TPD52: variants seen among roughly 807,000 people sequenced by gnomAD.
TPD52 encodes tumor protein D52.
TPD52 carries 17 observed loss-of-function variants against 31.3 expected under a neutral mutation model. That is an observed-to-expected ratio of 0.54 (90% confidence interval 0.37 to 0.82). The LOEUF is 0.82. Ranked by LOEUF, TPD52 falls within the 40% of genes least tolerant of loss-of-function variation. The pLI is 0.00. For missense variants in TPD52, 212 were observed against 240.1 expected, an observed-to-expected ratio of 0.88 and a Z score of 0.77; for synonymous variants, 83 against 89.6, an observed-to-expected ratio of 0.93 and a Z score of 0.42.
intron 1 of TPD52, among the ~76,000 whole-genome samples, chr8:80,153,993 C>T (rs1307629433): frequency 6.6e-6 from 1 of 152,210 alleles, no homozygotes; most frequent in Non-Finnish European, 1.5e-5. Flanking sequence ...CATCCCCATC[C>T]CTCCCTATGC....
At chr8:80,135,121 T>G (rs1302204381) in intron 1 of TPD52, among the ~76,000 whole-genome samples, 1 of 152,142 alleles carries the variant, frequency 6.6e-6, no homozygotes, top group Admixed American at 6.5e-5. Context: ...TGCATAGATA[T>G]CCCTTCAGGT....
chr8:80,091,464 C>CAA (rs58616020), intron 1 of TPD52, among the ~76,000 whole-genome samples: 1 of 121,876 alleles, frequency 8.2e-6, no homozygotes, highest in Non-Finnish European at 1.8e-5. Context: ...GACTCCATCT[C>CAA]AAAAAAAAAA....
intron 5 of TPD52, among the ~76,000 whole-genome samples, chr8:80,050,154 A>G (rs989035807): frequency 1.3e-4 from 20 of 152,228 alleles, no homozygotes; most frequent in Non-Finnish European, 2.4e-4. Context: ...TTTGCATGCC[A>G]TGGTAAAGCT....
downstream of TPD52, among the ~76,000 whole-genome samples, chr8:80,032,141 A>T (rs1349638598): frequency 7.2e-6 from 1 of 139,234 alleles, no homozygotes; most frequent in Middle Eastern, 3.5e-3. Flanking sequence ...TGACAGAGCG[A>T]GACTCCAGCT....
chr8:80,152,738 G>A (rs911369615), intron 1 of TPD52, among the ~76,000 whole-genome samples: 11 of 132,230 alleles, frequency 8.3e-5, no homozygotes, highest in African/African-American at 1.8e-4. Flanking sequence ...CCGAGATTGC[G>A]CCACTTCACT....
intron 7 of TPD52, chr8:80,042,306 TATTAA>T: frequency 1.0e-6 from 1 of 985,466 alleles, no homozygotes; most frequent in Non-Finnish European, 1.2e-6. Flanking sequence ...AAGAAAGTTA[TATTAA>T]ATTTTGTCCA....
intron 1 of TPD52, among the ~76,000 whole-genome samples, chr8:80,129,467 C>T (rs1178492067): frequency 6.6e-6 from 1 of 152,150 alleles, no homozygotes; most frequent in East Asian, 1.9e-4. Flanking sequence ...CTACACGGGA[C>T]GTAGAATGCT....
chr8:80,057,153 G>A (rs193235351), intron 2 of TPD52, among the ~76,000 whole-genome samples: 1 of 152,226 alleles, frequency 6.6e-6, no homozygotes, highest in African/African-American at 2.4e-5. Context: ...GGGCAACAGA[G>A]CAAGACTCTT....
intron 1 of TPD52, among the ~76,000 whole-genome samples, chr8:80,084,674 A>G (rs1477379195): frequency 2.0e-5 from 3 of 152,228 alleles, no homozygotes; most frequent in African/African-American, 7.2e-5. Flanking sequence ...CAGTAGAAAG[A>G]GTCCTAACAT....
chr8:80,163,919 C>T (rs1811527960), intron 1 of TPD52, among the ~76,000 whole-genome samples: 1 of 148,810 alleles, frequency 6.7e-6, no homozygotes, highest in Admixed American at 6.7e-5. Context: ...ATATCCAAAA[C>T]AAAAAACAAA....
chr8:80,141,845 G>C (rs1809850931), intron 1 of TPD52, among the ~76,000 whole-genome samples: 1 of 152,082 alleles, frequency 6.6e-6, no homozygotes, highest in Admixed American at 6.6e-5. Flanking sequence ...AGGAGGCAGA[G>C]GTTGCAGTGA....
intron 1 of TPD52, among the ~76,000 whole-genome samples, chr8:80,130,761 A>G (rs974177987): frequency 6.6e-6 from 1 of 152,212 alleles, no homozygotes; most frequent in Non-Finnish European, 1.5e-5. Context: ...CCAGGAATAT[A>G]AATCCTGGCA....
chr8:80,157,230 C>T (rs756062917), intron 1 of TPD52, among the ~76,000 whole-genome samples: 5 of 150,552 alleles, frequency 3.3e-5, no homozygotes, highest in African/African-American at 1.2e-4. Context: ...CCAACCAAGG[C>T]GAAGACAGGG....
intron 5 of TPD52, among the ~76,000 whole-genome samples, chr8:80,049,302 T>C (rs1002498799): frequency 1.3e-5 from 2 of 152,196 alleles, no homozygotes; most frequent in Non-Finnish European, 2.9e-5. Flanking sequence ...CTGTCCACAG[T>C]AGACACTCTA....
At chr8:80,119,212 G>A (rs1344993552) in intron 1 of TPD52, among the ~76,000 whole-genome samples, 1 of 152,112 alleles carries the variant, frequency 6.6e-6, no homozygotes, top group Admixed American at 6.6e-5. Flanking sequence ...TCCAAAATAG[G>A]CAAATTTATA....
intron 1 of TPD52, among the ~76,000 whole-genome samples, chr8:80,084,762 A>G (rs1038832558): frequency 6.6e-6 from 1 of 152,184 alleles, no homozygotes; most frequent in Non-Finnish European, 1.5e-5. Flanking sequence ...TGTTGAACAC[A>G]TCCTAAACTT....
chr8:80,092,621 A>G (rs1816366615), intron 1 of TPD52, among the ~76,000 whole-genome samples: 1 of 152,200 alleles, frequency 6.6e-6, no homozygotes, highest in South Asian at 2.1e-4. Flanking sequence ...TTGCAGCAAC[A>G]TGGGTGGAAC....
At chr8:80,053,927 A>G (rs1811612855) in intron 2 of TPD52, among the ~76,000 whole-genome samples, 1 of 152,220 alleles carries the variant, frequency 6.6e-6, no homozygotes, top group Non-Finnish European at 1.5e-5. Context: ...CATATTTGAT[A>G]TGAGTATATA....
At chr8:80,138,214 A>C (rs1308819537) in intron 1 of TPD52, among the ~76,000 whole-genome samples, 2 of 152,186 alleles carry the variant, frequency 1.3e-5, no homozygotes, top group Admixed American at 1.3e-4. Context: ...AAGTGCTGAG[A>C]TAACAGGCAT....
Sources: allele counts gnomAD v4.1 joint callset (sites outside exome capture counted in the v4.1 genomes callset), GRCh38; gene constraint gnomAD v4.1.1; transcripts MANE v1.5; gene names NCBI Gene and HGNC (gene_info 2026-07-23, HGNC 2026-07-21).